DAB1: variants seen among roughly 807,000 people sequenced by gnomAD.
The protein encoded by DAB1 is DAB adaptor protein 1, also known as disabled homolog 1.
A neutral mutation model predicts 64.6 loss-of-function variants in DAB1; 15 were observed. The observed-to-expected ratio is 0.23, with a 90% CI of 0.16 to 0.36. DAB1 has a LOEUF of 0.36. Among genes scored for constraint, DAB1 ranks in the 10% least tolerant of loss-of-function variants. The pLI is 1.00. For missense variants in DAB1, 596 were observed against 706.7 expected, an observed-to-expected ratio of 0.84 and a Z score of 1.78; for synonymous variants, 235 against 251.9, an observed-to-expected ratio of 0.93 and a Z score of 0.64.
intron 4 of DAB1, among the ~76,000 whole-genome samples, chr1:58,253,831 G>A (rs1282864268): frequency 1.3e-5 from 2 of 152,160 alleles, no homozygotes; most frequent in African/African-American, 4.8e-5. Context: ...CACAAGCTCT[G>A]CAAATGTCTT....
chr1:57,825,423 A>G (rs1652301200), downstream of DAB1, among the ~76,000 whole-genome samples: 1 of 152,254 alleles, frequency 6.6e-6, no homozygotes, highest in South Asian at 2.1e-4. Flanking sequence ...AGAGGAAGGC[A>G]CACAGGGCTA....
At position 57,130,380 on chromosome 1, in the gene DAB1, A is replaced by G. The variant is rs1346215065; in HGVS notation, c.306+6163T>C. ...ACATTAAGAAAAATTACTTTAAACT[A>G]CCTTATGACCCAGAAATCCCACTAC... On this transcript the variant is annotated intron_variant, in intron 4 of 14. Coordinates refer to ENST00000371236, the MANE Select transcript of DAB1 (RefSeq NM_001365792.1). Among the ~76,000 whole-genome samples the G allele has an allele frequency of 3.3e-5, 5 of 152,210 alleles. No individual in the cohort carries two copies. In the East Asian group the frequency reaches 9.7e-4, roughly 29 times the overall value.
chr1:58,355,497 G>C (rs1644101475), intron 3 of DAB1, among the ~76,000 whole-genome samples: 2 of 152,040 alleles, frequency 1.3e-5, no homozygotes, highest in African/African-American at 4.8e-5. Context: ...TTAATAACAA[G>C]CCTGGCAGAC....
intron 5 of DAB1, among the ~76,000 whole-genome samples, chr1:58,107,182 C>T (rs972514834): frequency 1.3e-4 from 20 of 151,206 alleles, no homozygotes; most frequent in Admixed American, 9.2e-4. Context: ...TAAAAAGGGC[C>T]GGGTGCAGTG....
rs59263518 is a variant in DAB1 at position 57,553,442 on chromosome 1, G to GAAAA, written n.625+96149_625+96150insTTTT. On this transcript the variant is annotated intron_variant and non_coding_transcript_variant, in intron 7 of 20. Coordinates refer to the DAB1 transcript ENST00000485760. ...AGAAAGAAAGAAAGAAAGAAAGAAA[G>GAAAA]AGAAAGAAAGAAAGAAAGAGAAAGG... 4.0e-4 allele frequency among the ~76,000 whole-genome samples: 27 copies of GAAAA among 68,180 alleles called. 1 individual carries two copies. Among genetic ancestry groups the GAAAA allele is most frequent in the Non-Finnish European group, 5.9e-4 (21 of 35,786 alleles). The allele number at this position is 68,180 out of a possible 152,430, so 44.7% of individuals were successfully genotyped here.
intron 2 of DAB1, among the ~76,000 whole-genome samples, chr1:57,288,781 G>A (rs980294437): frequency 4.6e-5 from 7 of 151,770 alleles, no homozygotes; most frequent in Non-Finnish European, 1.0e-4. Context: ...GGGAAGGGAG[G>A]GGAAGAGAAG....
At chr1:57,096,283 T>G (rs1654158418) in intron 4 of DAB1, among the ~76,000 whole-genome samples, 1 of 152,192 alleles carries the variant, frequency 6.6e-6, no homozygotes, top group Non-Finnish European at 1.5e-5. Context: ...TCAACCTCTT[T>G]GCTTAAAAGC....
At chr1:57,975,584 A>G (rs1281316576) in intron 5 of DAB1, among the ~76,000 whole-genome samples, 1 of 152,206 alleles carries the variant, frequency 6.6e-6, no homozygotes, top group Non-Finnish European at 1.5e-5. Flanking sequence ...TTGTATAGGG[A>G]TATGCAAATT....
chr1:58,071,318 C>A (rs1386998843), intron 5 of DAB1, among the ~76,000 whole-genome samples: 2 of 150,032 alleles, frequency 1.3e-5, no homozygotes, highest in African/African-American at 2.5e-5. Context: ...GATCCAGAAT[C>A]CATGTGAAGA....
At chr1:58,488,715 G>C (rs1645620249) in intron 3 of DAB1, among the ~76,000 whole-genome samples, 1 of 152,216 alleles carries the variant, frequency 6.6e-6, no homozygotes, top group African/African-American at 2.4e-5. Flanking sequence ...CTCCAAAAGT[G>C]CTGGGATTAC....
chr1:57,918,067 CAATAAATAAATAAATA>C (rs59397849), intron 5 of DAB1, among the ~76,000 whole-genome samples: 12 of 138,692 alleles, frequency 8.7e-5, no homozygotes, highest in Middle Eastern at 7.2e-3. Context: ...GACTCCGTCT[CAATAAATAAATAAATA>C]AATAAATAAA....
At chr1:57,009,548 AGAATCCATTTATGAGGTAGCCTCC>A (rs1334927256) in intron 14 of DAB1, among the ~76,000 whole-genome samples, 15 of 152,336 alleles carry the variant, frequency 9.8e-5, no homozygotes, top group Middle Eastern at 6.8e-3. Context: ...AGGTAGCCTC[AGAATCCATTTATGAGGTAGCCTCC>A]GAATCCATTT....
rs966832991 is a variant in DAB1, at chr1:57,286,269, C to G, written c.67+4695G>C. ...AACTCTAAAGGGCCTTTATGCCACT[C>G]TTTCTCACAATAGATGACCCAAATT... On this transcript the variant is annotated intron_variant, in intron 2 of 14. Coordinates refer to ENST00000371236, the MANE Select transcript of DAB1 (RefSeq NM_001365792.1). 3.2e-4 allele frequency among the ~76,000 whole-genome samples: 49 copies of G among 152,282 alleles called. No homozygotes were observed. In the Middle Eastern group the frequency reaches 0.01, roughly 32 times the overall value.
chr1:58,422,873 A>C (rs1230179771), intron 3 of DAB1, among the ~76,000 whole-genome samples: 2 of 152,170 alleles, frequency 1.3e-5, no homozygotes, highest in Non-Finnish European at 2.9e-5. Context: ...CAGCAGAAGC[A>C]AGGCTTCTCT....
At chr1:57,343,501 G>T (rs1677817218) in intron 1 of DAB1, among the ~76,000 whole-genome samples, 1 of 152,216 alleles carries the variant, frequency 6.6e-6, no homozygotes, top group South Asian at 2.1e-4. Flanking sequence ...TGGAGCAGGG[G>T]GCTGCGCTCA....
intron 6 of DAB1, among the ~76,000 whole-genome samples, chr1:57,661,436 A>C (rs1646385151): frequency 6.6e-6 from 1 of 152,206 alleles, no homozygotes; most frequent in African/African-American, 2.4e-5. Context: ...TTGACACCAG[A>C]ATCTTTCTCT....
intron 2 of DAB1, among the ~76,000 whole-genome samples, chr1:57,281,394 T>C (rs1671878118): frequency 6.6e-6 from 1 of 151,884 alleles, no homozygotes; most frequent in Non-Finnish European, 1.5e-5. Flanking sequence ...TTGAAACAAA[T>C]ACAGAAAAAA....
At chr1:57,324,575 G>A (rs1676002187) in intron 1 of DAB1, among the ~76,000 whole-genome samples, 1 of 152,138 alleles carries the variant, frequency 6.6e-6, no homozygotes, top group Non-Finnish European at 1.5e-5. Context: ...GGAGAATGAT[G>A]CGCATTAGAG....
At chr1:57,769,534 G>C (rs539578421) in intron 6 of DAB1, among the ~76,000 whole-genome samples, 2 of 152,240 alleles carry the variant, frequency 1.3e-5, no homozygotes, top group East Asian at 3.9e-4. Context: ...CCAGTTTCAA[G>C]AAATGCATAC....
Sources: allele counts gnomAD v4.1 joint callset (sites outside exome capture counted in the v4.1 genomes callset), GRCh38; gene constraint gnomAD v4.1.1; transcripts MANE v1.5; gene names NCBI Gene and HGNC (gene_info 2026-07-23, HGNC 2026-07-21).